Variants in TMEM165 observed in about 807,000 individuals in gnomAD.
TMEM165 encodes the protein transmembrane protein 165.
Under a neutral mutation model 30.0 loss-of-function variants are expected in TMEM165, and 19 were observed. The observed-to-expected ratio is 0.63, with a 90% CI of 0.44 to 0.93. The LOEUF is 0.93. Among genes scored for constraint, TMEM165 ranks in the 40% least tolerant of loss-of-function variants. The pLI is 0.00. For missense variants in TMEM165, 340 were observed against 417.0 expected, an observed-to-expected ratio of 0.82 and a Z score of 1.61; for synonymous variants, 168 against 162.9, an observed-to-expected ratio of 1.03 and a Z score of -0.24.
At chr4:55,444,811 G>A (rs373978976) in intron 3 of TMEM165, 5 of 1,609,812 alleles carry the variant, frequency 3.1e-6, no homozygotes, top group East Asian at 2.2e-5. Flanking sequence ...CGGAAAAAGT[G>A]TAATATATTT....
intron 3 of TMEM165, chr4:55,444,501 C>T (rs900009985): frequency 3.9e-6 from 4 of 1,037,476 alleles, no homozygotes; most frequent in East Asian, 2.4e-5. Flanking sequence ...AGTAGGTAAC[C>T]AGTGAATATT....
At chr4:55,426,550 T>C (rs1436451081), downstream of TMEM165, among the ~76,000 whole-genome samples, 1 of 152,062 alleles carries the variant, frequency 6.6e-6, no homozygotes, top group East Asian at 1.9e-4. Context: ...ACAGCTGCTT[T>C]CTCTCAGCCT....
rs1560399378 is a variant in TMEM165, at chr4:55,425,505, G to A, written c.*53G>A. On this transcript the variant is annotated 3_prime_UTR_variant, in exon 6 of 6. Transcript: ENST00000381334. ...TTAAAATAGGTAGTATTATCTTTCTGTACATAGTGTACATTACAACTAAAA... is the reference window on the plus strand; with the variant it reads ...TTAAAATAGGTAGTATTATCTTTCTATACATAGTGTACATTACAACTAAAA... The A allele has an allele frequency of 4.5e-6, 6 of 1,330,354 alleles. No individual in the cohort carries two copies. The highest frequency in any genetic ancestry group is 6.5e-6 in the Non-Finnish European group (6 of 928,794). The allele number at this position is 1,330,354 out of a possible 1,614,324, so 82.4% of individuals were successfully genotyped here. A position where few individuals can be genotyped will look rare whatever the true frequency, so the allele number is the denominator to read the frequency against.
chr4:55,444,692 G>T, intron 3 of TMEM165: 1 of 1,614,060 alleles, frequency 6.2e-7, no homozygotes, highest in Non-Finnish European at 8.5e-7. Context: ...AGTTCTTCTT[G>T]TTGCCGATGA....
intron 3 of TMEM165, among the ~76,000 whole-genome samples, chr4:55,440,489 CTG>C (rs1004554458): frequency 1.3e-5 from 2 of 152,154 alleles, no homozygotes; most frequent in Non-Finnish European, 2.9e-5. Flanking sequence ...CATGACATAA[CTG>C]TATTTACAAA....
chr4:55,417,737 A>G (rs1721797257), intron 3 of TMEM165, 66 bp from the exon 4 acceptor site: 4 of 1,295,644 alleles, frequency 3.1e-6, no homozygotes, highest in Non-Finnish European at 3.2e-6. Flanking sequence ...AGAAAAGTCA[A>G]GTGATTTGTG....
intron 3 of TMEM165, among the ~76,000 whole-genome samples, chr4:55,445,582 CTTTTTTTT>C (rs56157186): frequency 0.055 from 3,751 of 68,560 alleles, 236 homozygotes; most frequent in African/African-American, 0.19. Flanking sequence ...TTTCTATATT[CTTTTTTTT>C]TTTTTTTTTT....
intron 3 of TMEM165, among the ~76,000 whole-genome samples, chr4:55,449,798 T>C (rs761180066): frequency 2.8e-5 from 4 of 142,298 alleles, no homozygotes; most frequent in Non-Finnish European, 6.2e-5. Flanking sequence ...CTAAGAACAC[T>C]TACTGGCCCT....
intron 1 of TMEM165, among the ~76,000 whole-genome samples, chr4:55,410,731 C>T (rs1379744706): frequency 6.6e-6 from 1 of 152,128 alleles, no homozygotes; most frequent in African/African-American, 2.4e-5. Context: ...AGCTTCCCGT[C>T]GTTCAAATGT....
chr4:55,448,641 T>TGTGC (rs2109738919), intron 3 of TMEM165: 2 of 587,194 alleles, frequency 3.4e-6, no homozygotes, highest in East Asian at 3.4e-5. Flanking sequence ...TGTGTGTGTG[T>TGTGC]GTGCTCCTAC....
intron 2 of TMEM165, among the ~76,000 whole-genome samples, chr4:55,412,411 A>AAAAAAAG: frequency 6.6e-6 from 1 of 150,840 alleles, no homozygotes; most frequent in Admixed American, 6.6e-5. Context: ...AAAAAAAAAA[A>AAAAAAAG]AAAAAAGGGA....
downstream of TMEM165, among the ~76,000 whole-genome samples, chr4:55,427,533 C>G (rs990044193): frequency 2.7e-5 from 4 of 150,708 alleles, no homozygotes; most frequent in Non-Finnish European, 5.9e-5. Context: ...TCAGTAGAGA[C>G]AGGGTTTTAC....
intron 5 of TMEM165, among the ~76,000 whole-genome samples, chr4:55,425,035 G>A (rs1443835067): frequency 6.6e-6 from 1 of 152,186 alleles, no homozygotes; most frequent in Non-Finnish European, 1.5e-5. Flanking sequence ...TGGAAGAATC[G>A]TCTCTTTGCT....
chr4:55,430,418 C>G (rs1204637447), downstream of TMEM165: 5 of 152,138 alleles, frequency 3.3e-5, no homozygotes, highest in Admixed American at 6.6e-5. Context: ...AAAACAGTCA[C>G]ATGGAAAGAA....
Position 55,404,673 on chromosome 4 carries a change from A to G in TMEM165, c.208-6941A>G, listed in dbSNP as rs1217456500. ...GGCTGGCCTCGAACTCTTGGCCTCA[A>G]GCAGTCCTCCTGCATCGGCCTCCCA... On this transcript the variant is annotated intron_variant, in intron 1 of 5. Transcript: ENST00000381334. Among the ~76,000 whole-genome samples the G allele has an allele frequency of 2.6e-5, 4 of 151,142 alleles. No homozygotes were observed. The East Asian group carries it at 8.0e-4, about 30-fold the overall frequency.
At chr4:55,402,241 A>G (rs1721028010) in intron 1 of TMEM165, among the ~76,000 whole-genome samples, 2 of 138,226 alleles carry the variant, frequency 1.4e-5, no homozygotes, top group South Asian at 2.4e-4. Context: ...AAAATATTAC[A>G]TATAAATTCT....
intron 3 of TMEM165, among the ~76,000 whole-genome samples, chr4:55,442,093 C>G (rs564650805): frequency 6.6e-6 from 1 of 152,238 alleles, no homozygotes; most frequent in African/African-American, 2.4e-5. Context: ...ACCACTGTTA[C>G]TACATGGAAA....
chr4:55,448,589 C>T (rs576584546), intron 3 of TMEM165, among the ~76,000 whole-genome samples: 27 of 79,808 alleles, frequency 3.4e-4, no homozygotes, highest in Admixed American at 1.9e-3. Context: ...TATGTGCGCG[C>T]GCGCACGCGC....
At chr4:55,404,876 G>T (rs575009761) in intron 1 of TMEM165, among the ~76,000 whole-genome samples, 3 of 152,172 alleles carry the variant, frequency 2.0e-5, no homozygotes, top group African/African-American at 7.2e-5. Flanking sequence ...AAGCCCGTTT[G>T]ACCTCAGTTT....
Sources: allele counts gnomAD v4.1 joint callset (sites outside exome capture counted in the v4.1 genomes callset), GRCh38; gene constraint gnomAD v4.1.1; transcripts MANE v1.5; gene names NCBI Gene and HGNC (gene_info 2026-07-23, HGNC 2026-07-21).